PPP2R2B: variants seen among roughly 807,000 people sequenced by gnomAD.
PPP2R2B encodes protein phosphatase 2 regulatory subunit Bbeta.
PPP2R2B carries 5 observed loss-of-function variants against 46.0 expected under a neutral mutation model. The ratio of observed to expected loss-of-function variants is 0.11; its 90% CI spans 0.06 to 0.23. PPP2R2B has a LOEUF of 0.23. Ranked by LOEUF, PPP2R2B falls within the 10% of genes least tolerant of loss-of-function variation. The pLI is 1.00. For missense variants in PPP2R2B, 367 were observed against 575.0 expected, an observed-to-expected ratio of 0.64 and a Z score of 3.70; for synonymous variants, 215 against 206.7, an observed-to-expected ratio of 1.04 and a Z score of -0.34.
At chr5:146,680,106 T>A (rs1778045601) in intron 5 of PPP2R2B, among the ~76,000 whole-genome samples, 1 of 151,294 alleles carries the variant, frequency 6.6e-6, no homozygotes, top group African/African-American at 2.4e-5. Context: ...TTATGTTTAT[T>A]GTGGCATTAT....
intron 2 of PPP2R2B, among the ~76,000 whole-genome samples, chr5:146,848,995 G>A (rs760957389): frequency 1.3e-5 from 2 of 151,942 alleles, no homozygotes; most frequent in Admixed American, 6.6e-5. Flanking sequence ...AGTTGATTTC[G>A]GTGTCCTTTT....
intron 8 of PPP2R2B, among the ~76,000 whole-genome samples, chr5:146,597,490 A>G (rs1480155872): frequency 1.3e-5 from 2 of 152,158 alleles, no homozygotes; most frequent in African/African-American, 4.8e-5. Flanking sequence ...TTTAGCATAT[A>G]TATTCAACAA....
chr5:146,810,942 C>T (rs796437008), intron 2 of PPP2R2B, among the ~76,000 whole-genome samples: 8 of 143,270 alleles, frequency 5.6e-5, no homozygotes, highest in African/African-American at 2.1e-4. Context: ...TCTCATTGTT[C>T]AATTCCCACC....
intron 1 of PPP2R2B, among the ~76,000 whole-genome samples, chr5:146,989,350 C>A (rs777759452): frequency 6.6e-6 from 1 of 151,972 alleles, no homozygotes; most frequent in African/African-American, 2.4e-5. Flanking sequence ...AAATCCTCAA[C>A]AAAATACTAG....
chr5:147,047,709 GCCA>G (rs1198844497), intron 1 of PPP2R2B, among the ~76,000 whole-genome samples: 3 of 152,026 alleles, frequency 2.0e-5, no homozygotes, highest in Non-Finnish European at 4.4e-5. Context: ...AGATGTTTTA[GCCA>G]ATACCTGAAT....
At chr5:147,047,760 A>C (rs1341097649) in intron 1 of PPP2R2B, among the ~76,000 whole-genome samples, 1 of 152,202 alleles carries the variant, frequency 6.6e-6, no homozygotes, top group East Asian at 1.9e-4. Flanking sequence ...ACCTTGAAGC[A>C]AATAAGTGCT....
At chr5:147,042,024 G>A (rs905243766) in intron 1 of PPP2R2B, among the ~76,000 whole-genome samples, 1 of 152,066 alleles carries the variant, frequency 6.6e-6, no homozygotes, top group African/African-American at 2.4e-5. Flanking sequence ...ATCCAAGAAT[G>A]CAATTAACTG....
chr5:146,608,824 G>A (rs191422212), intron 7 of PPP2R2B, among the ~76,000 whole-genome samples: 1 of 152,182 alleles, frequency 6.6e-6, no homozygotes, highest in Non-Finnish European at 1.5e-5. Context: ...CTGGTACACT[G>A]TCAGAAGTCA....
At chr5:146,795,869 A>G (rs928752390) in intron 2 of PPP2R2B, among the ~76,000 whole-genome samples, 6 of 152,218 alleles carry the variant, frequency 3.9e-5, no homozygotes, top group African/African-American at 1.2e-4. Context: ...CGCACATAAA[A>G]TGACCAGCGT....
At chr5:147,021,558 C>T (rs1385367139) in intron 1 of PPP2R2B, among the ~76,000 whole-genome samples, 1 of 152,158 alleles carries the variant, frequency 6.6e-6, no homozygotes, top group Non-Finnish European at 1.5e-5. Context: ...ACTGAGAGAG[C>T]TTCCATGTGA....
At chr5:146,746,973 C>T (rs1441200150) in intron 2 of PPP2R2B, among the ~76,000 whole-genome samples, 2 of 152,124 alleles carry the variant, frequency 1.3e-5, no homozygotes, top group African/African-American at 2.4e-5. Flanking sequence ...TCTATAACAT[C>T]GTGCTGCATA....
intron 2 of PPP2R2B, among the ~76,000 whole-genome samples, chr5:146,742,362 C>T (rs1370132077): frequency 6.6e-6 from 1 of 152,110 alleles, no homozygotes; most frequent in Non-Finnish European, 1.5e-5. Context: ...CTCTGGATGG[C>T]TAGGGTTTAA....
intron 2 of PPP2R2B, chr5:146,706,847 T>C (rs1373072245): frequency 9.1e-7 from 1 of 1,093,416 alleles, no homozygotes; most frequent in East Asian, 2.4e-5. Flanking sequence ...GATGATGCTG[T>C]CCGTGTCCAG....
In PPP2R2B at chr5:147,015,265, GT is replaced by G. The variant is rs1180642286; in HGVS notation, c.79+40399del. On this transcript the variant is annotated intron_variant, in intron 1 of 8. Transcript: ENST00000336640. ...CACATTCGTCTCATATCATTGCCCTGTTTTAAAATTCTCATTGAATTTATAT... is the reference window on the plus strand; with the variant it reads ...CACATTCGTCTCATATCATTGCCCTGTTTAAAATTCTCATTGAATTTATAT... 2.6e-5 allele frequency among the ~76,000 whole-genome samples: 4 copies of G among 151,076 alleles called. 1 individual carries two copies. The East Asian group carries it at 6.6e-4, about 25-fold the overall frequency.
chr5:146,868,915 T>A (rs1474922762), intron 2 of PPP2R2B, among the ~76,000 whole-genome samples: 1 of 152,238 alleles, frequency 6.6e-6, no homozygotes, highest in Non-Finnish European at 1.5e-5. Context: ...AACTATGGAC[T>A]AGTAATCATA....
intron 7 of PPP2R2B, among the ~76,000 whole-genome samples, chr5:146,623,682 A>G (rs1337987819): frequency 6.6e-6 from 1 of 152,208 alleles, no homozygotes; most frequent in African/African-American, 2.4e-5. Flanking sequence ...ATCCTATTTA[A>G]ATCCTTATGC....
At chr5:147,045,105 A>G (rs544503614) in intron 1 of PPP2R2B, among the ~76,000 whole-genome samples, 1 of 152,320 alleles carries the variant, frequency 6.6e-6, no homozygotes, top group East Asian at 1.9e-4. Flanking sequence ...AGTCACAGAT[A>G]GACATTCAGG....
chr5:146,735,248 C>A (rs1442650827), intron 2 of PPP2R2B, among the ~76,000 whole-genome samples: 1 of 152,120 alleles, frequency 6.6e-6, no homozygotes, highest in Non-Finnish European at 1.5e-5. Context: ...AAATCCCAGG[C>A]TATGAGTTGT....
At chr5:146,703,701 C>G (rs193272796) in intron 2 of PPP2R2B, among the ~76,000 whole-genome samples, 3 of 152,242 alleles carry the variant, frequency 2.0e-5, no homozygotes, top group African/African-American at 7.2e-5. Flanking sequence ...CTTTAAGACC[C>G]ATGCAAGTCA....
Sources: gnomAD v4.1 joint callset for allele counts (sites outside exome capture counted in the v4.1 genomes callset) on GRCh38, gnomAD v4.1.1 for gene constraint, MANE v1.5 for transcripts, NCBI Gene and HGNC (gene_info 2026-07-23, HGNC 2026-07-21) for gene names.